BRAP: variants seen among roughly 807,000 people sequenced by gnomAD.
BRAP encodes BRCA1-associated protein.
In BRAP, 42 loss-of-function variants were observed where a neutral mutation model predicts 73.4. That is an observed-to-expected ratio of 0.57 (90% confidence interval 0.45 to 0.74). The LOEUF is 0.74. BRAP is among the 30% of genes least tolerant of loss of function. The pLI, the probability that BRAP is intolerant of heterozygous loss-of-function variation, is 0.00. For missense variants in BRAP, 593 were observed against 751.4 expected (o/e 0.79, Z 2.46); for synonymous variants, 255 against 267.4 (o/e 0.95, Z 0.45).
intron 11 of BRAP, among the ~76,000 whole-genome samples, chr12:111,648,468 T>G (rs1183555786): frequency 7.2e-6 from 1 of 138,768 alleles, no homozygotes; most frequent in Non-Finnish European, 1.5e-5. Flanking sequence ...AAAAATTAAC[T>G]GGGTGTGGTG....
chr12:111,681,847 T>TA lies in BRAP; in HGVS notation c.245-13dup, dbSNP rs768497704. 1.9e-6 allele frequency: 3 copies of TA among 1,596,384 alleles called. No homozygotes were observed. The highest frequency in any genetic ancestry group is 2.6e-6 in the Non-Finnish European group (3 of 1,171,800). ...AGTTTTTAGTTCATCTTTCACCAGT[T>TA]AAAAAATAGCAGATTATAAATGGAT... On this transcript the variant is annotated splice_polypyrimidine_tract_variant and intron_variant, in intron 2 of 11. Coordinates refer to ENST00000419234, the MANE Select transcript of BRAP (RefSeq NM_006768.5).
intron 10 of BRAP, among the ~76,000 whole-genome samples, chr12:111,652,659 T>C (rs1312993269): frequency 1.3e-5 from 2 of 152,214 alleles, no homozygotes; most frequent in Admixed American, 1.3e-4. Context: ...GAAGGTTTGC[T>C]TGAGCCCAGG....
chr12:111,669,035 A>G (rs1468439238), intron 5 of BRAP, among the ~76,000 whole-genome samples: 1 of 152,182 alleles, frequency 6.6e-6, no homozygotes, highest in East Asian at 1.9e-4. Flanking sequence ...GAAACAAAAC[A>G]AATGCCTATA....
intron 3 of BRAP, among the ~76,000 whole-genome samples, chr12:111,680,174 T>TCGATCTC (rs1887546189): frequency 6.6e-6 from 1 of 151,172 alleles, no homozygotes; most frequent in Admixed American, 6.6e-5. Flanking sequence ...CCAGGCTGGT[T>TCGATCTC]TCGAACTCCT....
chr12:111,662,306 T>C (rs944434433), intron 6 of BRAP, among the ~76,000 whole-genome samples: 1 of 152,110 alleles, frequency 6.6e-6, no homozygotes, highest in Non-Finnish European at 1.5e-5. Flanking sequence ...ATCCCAGCAC[T>C]TTGGGAGACC....
intron 4 of BRAP, among the ~76,000 whole-genome samples, chr12:111,676,292 ATAGT>A (rs772763040): frequency 1.1e-3 from 171 of 152,342 alleles, no homozygotes; most frequent in South Asian, 2.3e-3. Context: ...GAATAAAAAC[ATAGT>A]TAGGTGCCCA....
chr12:111,681,548 T>C, intron 3 of BRAP, 89 bp downstream of exon 3: 1 of 1,106,762 alleles, frequency 9.0e-7, no homozygotes, highest in Non-Finnish European at 1.3e-6. Context: ...AAATACCCAC[T>C]TTCCTTCAGG....
chr12:111,678,686 ATTT>A (rs748418829), intron 4 of BRAP, among the ~76,000 whole-genome samples: 3 of 125,952 alleles, frequency 2.4e-5, no homozygotes, highest in Admixed American at 8.3e-5. Context: ...AACACACTAG[ATTT>A]TTTTTTTTTT....
chr12:111,671,868 T>C (rs1001286170), intron 5 of BRAP, among the ~76,000 whole-genome samples: 26 of 151,834 alleles, frequency 1.7e-4, no homozygotes, highest in African/African-American at 5.6e-4. Flanking sequence ...GTATTTTTTG[T>C]AGAGACAGGG....
At chr12:111,664,043 G>A (rs1886846558) in intron 6 of BRAP, among the ~76,000 whole-genome samples, 1 of 152,136 alleles carries the variant, frequency 6.6e-6, no homozygotes, top group African/African-American at 2.4e-5. Context: ...AGGAATACTG[G>A]GGATGGGTAT....
chr12:111,644,540 C>A lies in BRAP; in HGVS notation c.1438G>T (p.Val480Leu), dbSNP rs1394396286. ...TTGAGCTCGTTGGTGAGTTTGGCCACTTTTGTGTTTAGCTGAGTGCACCTT... is the reference window on the plus strand; with the variant it reads ...TTGAGCTCGTTGGTGAGTTTGGCCAATTTTGTGTTTAGCTGAGTGCACCTT... Reference protein sequence around the residue: ...ERKCTQLNTKVAKLTNELKEE... With the variant: ...ERKCTQLNTKLAKLTNELKEE... Residue 480 changes from valine to leucine, a missense_variant, in exon 12 of 12, where the codon GTG (valine) becomes TTG (leucine). This residue lies in a region of BRAP where 143 missense variants were observed against 190.4 expected (regional missense o/e 0.75). Transcript: ENST00000419234. The A allele has an allele frequency of 1.2e-6, 2 of 1,613,620 alleles. No homozygotes were observed. Among genetic ancestry groups the A allele is most frequent in the African/African-American group, 2.7e-5 (2 of 74,902 alleles).
chr12:111,685,458 G>T, intron 1 of BRAP: 1 of 793,982 alleles, frequency 1.3e-6, no homozygotes, highest in Non-Finnish European at 1.7e-6. Flanking sequence ...ATCTCGAGAG[G>T]GAGACGCGCC....
At chr12:111,668,868 A>C (rs138114250) in intron 5 of BRAP, among the ~76,000 whole-genome samples, 1 of 152,014 alleles carries the variant, frequency 6.6e-6, no homozygotes, top group Non-Finnish European at 1.5e-5. Flanking sequence ...ATGTTAACCA[A>C]GATGGTCTCG....
intron 4 of BRAP, among the ~76,000 whole-genome samples, chr12:111,678,679 A>T (rs1391299324): frequency 6.9e-6 from 1 of 144,644 alleles, no homozygotes; most frequent in South Asian, 2.2e-4. Context: ...ACAAAAAAAC[A>T]CACTAGATTT....
intron 1 of BRAP, among the ~76,000 whole-genome samples, 182 bp from the exon 2 acceptor site, chr12:111,683,489 G>C (rs1307899277): frequency 6.6e-6 from 1 of 152,078 alleles, no homozygotes; most frequent in African/African-American, 2.4e-5. Flanking sequence ...GAGTCAATAA[G>C]CAGCCAGGAC....
intron 5 of BRAP, among the ~76,000 whole-genome samples, chr12:111,672,084 T>C (rs530793477): frequency 7.2e-5 from 11 of 152,214 alleles, no homozygotes; most frequent in African/African-American, 2.6e-4. Context: ...TACACACTTG[T>C]AGTCCCAGCT....
At chr12:111,649,175 G>C (rs1172621277) in intron 11 of BRAP, among the ~76,000 whole-genome samples, 2 of 152,082 alleles carry the variant, frequency 1.3e-5, no homozygotes, top group Non-Finnish European at 2.9e-5. Context: ...TTTTTGTTGA[G>C]ACAGGGTCTC....
rs1886922530 is a variant in BRAP at position 111,665,929 on chromosome 12, A to T, written c.748-142T>A. 2 of 1,169,840 alleles carry T rather than the reference A, an allele frequency of 1.7e-6. No homozygotes were observed. Among genetic ancestry groups the T allele is most frequent in the East Asian group, 5.2e-5 (2 of 38,580 alleles). 72.5% of individuals were successfully genotyped at this position (1,169,840 alleles called of 1,614,324 possible). Reference sequence around the variant, plus strand: ...GCAATCATGGCTCATTACAGCCTTGACCTCCCAGGCTCAAGAGATCTGCCC... The same window carrying T: ...GCAATCATGGCTCATTACAGCCTTGTCCTCCCAGGCTCAAGAGATCTGCCC... On this transcript the variant is annotated intron_variant, in intron 5 of 11. Coordinates refer to ENST00000419234, the MANE Select transcript of BRAP (RefSeq NM_006768.5). This position sits in a 1 kb window ranked among gnomAD's most constrained non-coding sequence, Gnocchi z 4.3.
At chr12:111,683,390 T>A in intron 1 of BRAP, 83 bp from the exon 2 acceptor site, 1 of 1,458,472 alleles carries the variant, frequency 6.9e-7, no homozygotes, top group Non-Finnish European at 9.2e-7. Context: ...AGGTTTTCCT[T>A]TTCTTTCTCC....
Sources: gnomAD v4.1 joint callset for allele counts (sites outside exome capture counted in the v4.1 genomes callset) on GRCh38, gnomAD v4.1.1 for gene constraint, gnomAD v4.1.1 regional missense constraint, Gnocchi (gnomAD v3.1) non-coding constraint, MANE v1.5 for transcripts, NCBI Gene and HGNC (gene_info 2026-07-23, HGNC 2026-07-21) for gene names.